Variants in CHRNA7 observed in about 807,000 individuals in gnomAD.
The protein encoded by CHRNA7 is cholinergic receptor nicotinic alpha 7 subunit, also known as neuronal acetylcholine receptor subunit alpha-7.
In CHRNA7, 17 loss-of-function variants were observed where a neutral mutation model predicts 48.0. The ratio of observed to expected loss-of-function variants is 0.35; its 90% CI spans 0.24 to 0.53. The LOEUF (loss-of-function observed/expected upper bound fraction) is 0.53. Ranked by LOEUF, CHRNA7 falls within the 20% of genes least tolerant of loss-of-function variation. The probability of loss-of-function intolerance (pLI) is 0.92; values close to 1 mark genes in which losing one functional copy is unlikely to be tolerated. For synonymous variants in CHRNA7, 75 were observed against 242.3 expected, an observed-to-expected ratio of 0.31 and a Z score of 6.41; for missense variants, 155 against 577.7, an observed-to-expected ratio of 0.27 and a Z score of 7.50.
At chr15:32,069,938 T>G (rs2050027113) in intron 2 of CHRNA7, among the ~76,000 whole-genome samples, 1 of 152,116 alleles carries the variant, frequency 6.6e-6, no homozygotes, top group African/African-American at 2.4e-5. Context: ...GTACTACATA[T>G]GCTATTTTTA....
chr15:32,132,982 C>G (rs2141320573), intron 4 of CHRNA7, among the ~76,000 whole-genome samples: 2 of 152,326 alleles, frequency 1.3e-5, no homozygotes, highest in Admixed American at 1.3e-4. Flanking sequence ...CAATGAACCT[C>G]TGGTGTGGAC....
At chr15:32,076,268 T>C in intron 2 of CHRNA7, among the ~76,000 whole-genome samples, 1 of 152,208 alleles carries the variant, frequency 6.6e-6, no homozygotes, top group East Asian at 1.9e-4. Flanking sequence ...AGTATAAACA[T>C]CTCCAGCTAT....
chr15:32,157,452 A>G, intron 5 of CHRNA7, 156 bp from the exon 6 acceptor site: 3 of 559,356 alleles, frequency 5.4e-6, no homozygotes, highest in Non-Finnish European at 9.6e-6. Context: ...ATTCTGTTTT[A>G]CAGATTTTGC....
At position 32,030,538 on chromosome 15, in the gene CHRNA7, C is replaced by G. The variant is rs1050833534; in HGVS notation, c.-57C>G. 5.7e-6 allele frequency: 8 copies of G among 1,403,618 alleles called. 1 individual carries two copies. In the East Asian group the frequency reaches 9.2e-5, roughly 16 times the overall value. The allele number at this position is 1,403,618 out of a possible 1,614,324, so 86.9% of individuals were successfully genotyped here. A position where few individuals can be genotyped will look rare whatever the true frequency, so the allele number is the denominator to read the frequency against. ...GTGCCTCTGTGGCCGCAGGCGCAGG[C>G]CCGGGCGACAGCCGAGACGTGGAGC... On this transcript the variant is annotated 5_prime_UTR_variant, in exon 1 of 10. Transcript: ENST00000306901.
chr15:32,153,444 A>C, intron 4 of CHRNA7: 1 of 151,620 alleles, frequency 6.6e-6, no homozygotes, highest in Non-Finnish European at 1.4e-5. Context: ...AAAAAGATAT[A>C]TATGTGAAGC....
chr15:32,166,243 C>T (rs2052131555), intron 9 of CHRNA7: 1 of 152,264 alleles, frequency 6.6e-6, no homozygotes, highest in Non-Finnish European at 1.5e-5. Context: ...ATACTCATTT[C>T]ACCGGACCCT....
intron 2 of CHRNA7, among the ~76,000 whole-genome samples, chr15:32,094,861 C>T (rs1432573875): frequency 2.0e-5 from 3 of 152,130 alleles, no homozygotes; most frequent in Admixed American, 2.0e-4. Context: ...GGGGTTTCAC[C>T]ATGGTCTTGA....
chr15:32,070,212 T>G (rs1484482379), intron 2 of CHRNA7, among the ~76,000 whole-genome samples: 2 of 152,134 alleles, frequency 1.3e-5, no homozygotes, highest in Non-Finnish European at 2.9e-5. Flanking sequence ...AGGCTGCGTT[T>G]TGTTTTGTTT....
intron 2 of CHRNA7, among the ~76,000 whole-genome samples, chr15:32,057,328 AG>A (rs2049803571): frequency 6.6e-6 from 1 of 152,170 alleles, no homozygotes; most frequent in East Asian, 1.9e-4. Context: ...CTAATGATTG[AG>A]ATAGAGATGG....
intron 4 of CHRNA7, among the ~76,000 whole-genome samples, chr15:32,123,489 A>G (rs1212483139): frequency 6.6e-6 from 1 of 152,202 alleles, no homozygotes; most frequent in Non-Finnish European, 1.5e-5. Context: ...TGGCATGGGT[A>G]TGAACATTAT....
intron 4 of CHRNA7, among the ~76,000 whole-genome samples, chr15:32,146,223 A>T (rs886673830): frequency 3.3e-5 from 5 of 152,238 alleles, no homozygotes; most frequent in Non-Finnish European, 7.4e-5. Flanking sequence ...AGAAAAAAAT[A>T]AATGATCATT....
chr15:32,072,015 T>G (rs2050066079), intron 2 of CHRNA7, among the ~76,000 whole-genome samples: 1 of 151,946 alleles, frequency 6.6e-6, no homozygotes, highest in Non-Finnish European at 1.5e-5. Flanking sequence ...ACAGGAAGAT[T>G]AGGGAAAGTT....
intron 4 of CHRNA7, among the ~76,000 whole-genome samples, chr15:32,137,872 GTCC>G (rs1439476034): frequency 3.9e-5 from 6 of 152,126 alleles, no homozygotes; most frequent in African/African-American, 1.4e-4. Context: ...TCCAACAATT[GTCC>G]TCCTCAGTAT....
chr15:32,115,710 A>G (rs551573015), intron 4 of CHRNA7, among the ~76,000 whole-genome samples: 1 of 152,256 alleles, frequency 6.6e-6, no homozygotes, highest in South Asian at 2.1e-4. Context: ...ATTCCTGTCC[A>G]CGATGGCACT....
At chr15:32,100,972 A>T in intron 2 of CHRNA7, 1 of 236,992 alleles carries the variant, frequency 4.2e-6, no homozygotes, top group African/African-American at 2.3e-5. Flanking sequence ...GTTTTTTTTT[A>T]AGCATATGAA....
chr15:32,145,916 C>T (rs2051479452), intron 4 of CHRNA7, among the ~76,000 whole-genome samples: 4 of 152,326 alleles, frequency 2.6e-5, no homozygotes, highest in Admixed American at 1.3e-4. Flanking sequence ...GCTTGCCCTC[C>T]GTGGGTTGCA....
At chr15:32,098,421 A>C (rs1235101144) in intron 2 of CHRNA7, among the ~76,000 whole-genome samples, 1 of 152,076 alleles carries the variant, frequency 6.6e-6, no homozygotes, top group East Asian at 1.9e-4. Context: ...CTGCAGACCT[A>C]TTGCTGCCAG....
At chr15:32,084,398 T>C (rs2050262449) in intron 2 of CHRNA7, among the ~76,000 whole-genome samples, 1 of 152,186 alleles carries the variant, frequency 6.6e-6, no homozygotes, top group Non-Finnish European at 1.5e-5. Context: ...CACCAGTGTG[T>C]TCCTCGTTTG....
chr15:32,044,638 A>G (rs1320475658), intron 2 of CHRNA7, among the ~76,000 whole-genome samples: 3 of 152,142 alleles, frequency 2.0e-5, no homozygotes, highest in African/African-American at 7.2e-5. Flanking sequence ...TGGGACAATG[A>G]TTACATGTTC....
Sources: allele counts gnomAD v4.1 joint callset (sites outside exome capture counted in the v4.1 genomes callset), GRCh38; gene constraint gnomAD v4.1.1; transcripts MANE v1.5; gene names NCBI Gene and HGNC (gene_info 2026-07-23, HGNC 2026-07-21).